Variants in SNRPN observed in about 807,000 individuals in gnomAD.
The protein encoded by SNRPN is small nuclear ribonucleoprotein-associated protein N.
SNRPN carries 7 observed loss-of-function variants against 25.2 expected under a neutral mutation model. The ratio of observed to expected loss-of-function variants is 0.28; its 90% CI spans 0.16 to 0.52. The LOEUF is 0.52. Ranked by LOEUF, SNRPN falls within the 20% of genes least tolerant of loss-of-function variation. The pLI, the probability that SNRPN is intolerant of heterozygous loss-of-function variation, is 0.96. For missense variants in SNRPN, 196 were observed against 322.5 expected (o/e 0.61, Z 3.00); for synonymous variants, 124 against 110.6 (o/e 1.12, Z -0.76).
chr15:24,851,359 C>G (rs897552014), intron 2 of SNRPN: 3 of 152,202 alleles, frequency 2.0e-5, no homozygotes, highest in Non-Finnish European at 4.4e-5. Context: ...GCACAGGCAT[C>G]AGACCTGAAA....
intron 2 of SNRPN, among the ~76,000 whole-genome samples, chr15:24,847,785 C>T (rs2052337879): frequency 6.6e-6 from 1 of 152,148 alleles, no homozygotes; most frequent in Admixed American, 6.5e-5. Flanking sequence ...TCCCATTATG[C>T]TAATTGATTT....
intron 2 of SNRPN, among the ~76,000 whole-genome samples, chr15:24,837,748 G>A (rs1467376499): frequency 6.7e-6 from 1 of 148,882 alleles, no homozygotes; most frequent in Admixed American, 6.7e-5. Context: ...TTTTTGAGTT[G>A]GAGTCTCACT....
chr15:24,949,715 A>C (rs1342193126), intron 3 of SNRPN, among the ~76,000 whole-genome samples: 1 of 152,212 alleles, frequency 6.6e-6, no homozygotes, highest in Non-Finnish European at 1.5e-5. Context: ...TTCACTCAGC[A>C]TAATGTTGTC....
At chr15:24,906,414 T>C (rs2058810960) in intron 2 of SNRPN, among the ~76,000 whole-genome samples, 1 of 152,196 alleles carries the variant, frequency 6.6e-6, no homozygotes, top group Admixed American at 6.5e-5. Flanking sequence ...ATTACAGACA[T>C]GAGCCACCGT....
intron 3 of SNRPN, among the ~76,000 whole-genome samples, chr15:24,923,876 C>CGTGTGTGTGTGTGTGTGT (rs1488829289): frequency 1.7e-4 from 18 of 107,052 alleles, no homozygotes; most frequent in Non-Finnish European, 2.8e-4. Context: ...TTTTTAGTGC[C>CGTGTGTGTGTGTGTGTGT]GTGTATGTGT....
intron 2 of SNRPN, among the ~76,000 whole-genome samples, chr15:24,917,208 A>C (rs1389136307): frequency 6.6e-6 from 1 of 152,230 alleles, no homozygotes; most frequent in Non-Finnish European, 1.5e-5. Flanking sequence ...TTCATCTCTC[A>C]GAATCAGCTT....
At chr15:24,881,308 A>G (rs34544497) in intron 1 of SNRPN, among the ~76,000 whole-genome samples, 63,042 of 150,848 alleles carry the variant, frequency 0.42, 13,774 homozygotes, top group East Asian at 0.61. Context: ...GGATCACCTG[A>G]GGTCAGGAGT....
rs747871114 is a variant in SNRPN, at chr15:24,918,892, AAT to A, written c.-504-1110_-504-1109del. Among the ~76,000 whole-genome samples the A allele has an allele frequency of 3.0e-4, 24 of 80,420 alleles. 5 individuals are homozygous for A. The highest frequency in any genetic ancestry group is 6.7e-4 in the East Asian group (2 of 2,994). 52.8% of individuals were successfully genotyped at this position (80,420 alleles called of 152,430 possible). On this transcript the variant is annotated intron_variant, in intron 2 of 11. Transcript: ENST00000400097. ...ATATATGTGCATATATATATAACATAATATATATATGTGCACATATATATAAC... is the reference window on the plus strand; with the variant it reads ...ATATATGTGCATATATATATAACATAATATATATGTGCACATATATATAAC...
Position 24,929,556 on chromosome 15 carries a change from G to A in SNRPN, c.-391+9432G>A, listed in dbSNP as rs2060659374. Among the ~76,000 whole-genome samples the A allele has an allele frequency of 6.6e-6, 1 of 152,118 alleles. No individual in the cohort carries two copies. Among genetic ancestry groups the A allele is most frequent in the Non-Finnish European group, 1.5e-5 (1 of 68,028 alleles). On this transcript the variant is annotated intron_variant, in intron 3 of 11. Transcript: ENST00000400097. The surrounding 1 kb of genome is among the most constrained non-coding windows in gnomAD (Gnocchi z 5.3). Reference sequence around the variant, plus strand: ...AAGCTGCAGGTACCCTGTCAGTTGGGTGTCCCCTCATGAGGGTGGCAGACT... The same window carrying A: ...AAGCTGCAGGTACCCTGTCAGTTGGATGTCCCCTCATGAGGGTGGCAGACT...
intron 2 of SNRPN, among the ~76,000 whole-genome samples, chr15:24,835,034 G>C (rs770042708): frequency 5.8e-4 from 25 of 42,968 alleles, no homozygotes; most frequent in East Asian, 4.9e-3. Context: ...GATATATATA[G>C]TATATATATC....
intron 2 of SNRPN, among the ~76,000 whole-genome samples, chr15:24,889,596 T>C (rs546407073): frequency 3.4e-4 from 51 of 151,760 alleles, no homozygotes; most frequent in Middle Eastern, 6.8e-3. Context: ...TGAGCCACCG[T>C]GCCCGGCCCT....
At chr15:24,946,299 C>T (rs1036751445) in intron 3 of SNRPN, among the ~76,000 whole-genome samples, 10 of 152,050 alleles carry the variant, frequency 6.6e-5, no homozygotes, top group African/African-American at 1.2e-4. Context: ...CCCAGGTACT[C>T]AGAAGGCTGA....
intron 1 of SNRPN, among the ~76,000 whole-genome samples, chr15:24,955,411 G>A (rs2062676673): frequency 6.6e-6 from 1 of 151,994 alleles, no homozygotes; most frequent in Admixed American, 6.6e-5. Flanking sequence ...GGGTACATCA[G>A]GGTGATTGCA....
At chr15:24,955,234 C>A (rs1039898039) in intron 1 of SNRPN, among the ~76,000 whole-genome samples, 172 bp downstream of exon 1, 2 of 152,228 alleles carry the variant, frequency 1.3e-5, no homozygotes, top group East Asian at 3.9e-4. Context: ...GCTGTTGTGC[C>A]GTTCTGCCCC....
intron 3 of SNRPN, among the ~76,000 whole-genome samples, chr15:24,969,923 G>A (rs1322693028): frequency 6.6e-6 from 1 of 152,146 alleles, no homozygotes; most frequent in Non-Finnish European, 1.5e-5. Context: ...GCTTTGAGTA[G>A]TTGTGACAGA....
rs149564822 is a variant in SNRPN at position 24,888,369 on chromosome 15, G to C, written c.-505+1780G>C. 4.2e-3 allele frequency among the ~76,000 whole-genome samples: 632 copies of C among 152,252 alleles called. 5 individuals carry two copies. Among genetic ancestry groups the C allele is most frequent in the Middle Eastern group, 0.014 (4 of 294 alleles). The stretch of plus-strand genomic sequence containing the variant: ...GATCCACCCACCTCGGGTTCCCAAA[G>C]TGCTGAGATTACAGGCGTGACCCAC... On this transcript the variant is annotated intron_variant, in intron 2 of 11. Coordinates refer to the SNRPN transcript ENST00000400097.
At chr15:24,921,717 C>T (rs2060030338) in intron 3 of SNRPN, among the ~76,000 whole-genome samples, 1 of 152,144 alleles carries the variant, frequency 6.6e-6, no homozygotes, top group African/African-American at 2.4e-5. Flanking sequence ...GAAGAGAGCA[C>T]AGTCCTTCAG....
chr15:24,909,971 G>T, intron 2 of SNRPN: 1 of 456,118 alleles, frequency 2.2e-6, no homozygotes. Context: ...TATTCAACCA[G>T]ACTTTAGGCT....
At chr15:24,915,437 T>G (rs2059453000) in intron 2 of SNRPN, among the ~76,000 whole-genome samples, 1 of 152,108 alleles carries the variant, frequency 6.6e-6, no homozygotes, top group Non-Finnish European at 1.5e-5. Flanking sequence ...AGAAGAGAGT[T>G]CTTGATAAAC....
Sources: gnomAD v4.1 joint callset for allele counts (sites outside exome capture counted in the v4.1 genomes callset) on GRCh38, gnomAD v4.1.1 for gene constraint, Gnocchi (gnomAD v3.1) non-coding constraint, MANE v1.5 for transcripts, NCBI Gene and HGNC (gene_info 2026-07-23, HGNC 2026-07-21) for gene names.